PARN: variants seen among roughly 807,000 people sequenced by gnomAD.
The protein encoded by PARN is poly(A)-specific ribonuclease PARN.
In PARN, 71 loss-of-function variants were observed where a neutral mutation model predicts 102.8. That is an observed-to-expected ratio of 0.69 (90% CI 0.57 to 0.84). The LOEUF (loss-of-function observed/expected upper bound fraction) is 0.84. Among genes scored for constraint, PARN ranks in the 40% least tolerant of loss-of-function variants. PARN has a pLI of 0.00. For missense variants in PARN, 782 were observed against 760.9 expected, an observed-to-expected ratio of 1.03 and a Z score of -0.33; for synonymous variants, 261 against 252.9, an observed-to-expected ratio of 1.03 and a Z score of -0.30.
At chr16:14,577,004 TA>T (rs1420997985) in intron 18 of PARN, among the ~76,000 whole-genome samples, 2 of 152,248 alleles carry the variant, frequency 1.3e-5, no homozygotes, top group African/African-American at 2.4e-5. Flanking sequence ...TACTAAATGC[TA>T]ATTTAGAATA....
chr16:14,451,670 G>T (rs1039422540), intron 22 of PARN, among the ~76,000 whole-genome samples: 7 of 151,620 alleles, frequency 4.6e-5, no homozygotes, highest in Admixed American at 4.6e-4. Context: ...ATTTTCTGGG[G>T]TAACGTTAAT....
chr16:14,593,166 T>C (rs1260612446), intron 13 of PARN, 135 bp downstream of exon 13: 1 of 571,642 alleles, frequency 1.7e-6, no homozygotes, highest in East Asian at 3.0e-5. Context: ...GTGCATAAGA[T>C]TCTCTCTGGG....
chr16:14,452,649 C>CTTAAT (rs1234952499), intron 22 of PARN, among the ~76,000 whole-genome samples: 6 of 152,196 alleles, frequency 3.9e-5, no homozygotes, highest in African/African-American at 9.7e-5. Flanking sequence ...CAGCATATTT[C>CTTAAT]TTAATTGCTA....
intron 18 of PARN, among the ~76,000 whole-genome samples, chr16:14,563,179 T>A (rs1018147553): frequency 1.4e-4 from 21 of 152,218 alleles, no homozygotes; most frequent in South Asian, 4.1e-4. Flanking sequence ...AATCACAGAT[T>A]TGATTCACAA....
At chr16:14,478,819 TC>T (rs1299968951) in intron 22 of PARN, among the ~76,000 whole-genome samples, 1 of 152,162 alleles carries the variant, frequency 6.6e-6, no homozygotes, top group Non-Finnish European at 1.5e-5. Flanking sequence ...CTCGCTCTTG[TC>T]CCCCAGGCTG....
chr16:14,487,991 G>A (rs12448165), intron 21 of PARN, among the ~76,000 whole-genome samples: 214 of 152,260 alleles, frequency 1.4e-3, no homozygotes, highest in Middle Eastern at 0.01. Context: ...GAATGGGAAG[G>A]GGGACTTGCT....
intron 21 of PARN, among the ~76,000 whole-genome samples, chr16:14,515,853 T>C (rs561580791): frequency 1.5e-4 from 23 of 152,210 alleles, no homozygotes; most frequent in East Asian, 1.2e-3. Flanking sequence ...AGCAGGAGGA[T>C]TGCTTGAGGC....
chr16:14,512,646 G>A (rs1181437785), intron 21 of PARN, among the ~76,000 whole-genome samples: 1 of 152,138 alleles, frequency 6.6e-6, no homozygotes, highest in Non-Finnish European at 1.5e-5. Context: ...TACTCAGGAG[G>A]ACACCTGGGC....
At chr16:14,469,126 G>A (rs1313327310) in intron 22 of PARN, among the ~76,000 whole-genome samples, 4 of 151,586 alleles carry the variant, frequency 2.6e-5, no homozygotes, top group African/African-American at 9.7e-5. Context: ...GGTGAAACTC[G>A]GTCTCTACTA....
chr16:14,599,959 T>G lies in PARN; in HGVS notation c.785A>C (p.Glu262Ala). 6.4e-7 allele frequency: 1 copy of G among 1,571,368 alleles called. No individual in the cohort carries two copies. ...AAATCCCACAGCATCATTCAGCTCC[T>G]CCTAATTAAAAAAATATATACATAT... ...REQQKHAKEQEELNDAVGFSR... is the reference protein window; with the variant it reads ...REQQKHAKEQAELNDAVGFSR... Residue 262 changes from glutamate to alanine, a missense_variant and splice_region_variant, in exon 12 of 24, where the codon GAG becomes GCG. Physicochemically the swap from Glu to Ala is moderately radical, Grantham distance 107 (BLOSUM62 -1). Coordinates refer to ENST00000437198, the MANE Select transcript of PARN (RefSeq NM_002582.4).
intron 21 of PARN, among the ~76,000 whole-genome samples, chr16:14,527,046 C>T (rs1159383705): frequency 6.6e-6 from 1 of 152,210 alleles, no homozygotes; most frequent in African/African-American, 2.4e-5. Context: ...ATAAAGTCTC[C>T]ATTGTTAAAT....
intron 21 of PARN, among the ~76,000 whole-genome samples, chr16:14,506,644 G>T (rs1964908226): frequency 6.6e-6 from 1 of 152,232 alleles, no homozygotes; most frequent in African/African-American, 2.4e-5. Context: ...GAGGGAGACA[G>T]AGCAAATATG....
intron 21 of PARN, among the ~76,000 whole-genome samples, chr16:14,515,653 A>C (rs1965420913): frequency 1.3e-5 from 2 of 152,182 alleles, no homozygotes; most frequent in South Asian, 2.1e-4. Context: ...AAGAACATTA[A>C]GGCTAGGCAT....
intron 22 of PARN, among the ~76,000 whole-genome samples, chr16:14,476,887 C>G (rs1401597200): frequency 1.3e-5 from 2 of 152,006 alleles, no homozygotes; most frequent in Admixed American, 1.3e-4. Context: ...AAAATATCAG[C>G]AAATACTAAA....
intron 13 of PARN, among the ~76,000 whole-genome samples, chr16:14,591,709 C>T (rs1970204721): frequency 1.3e-5 from 2 of 152,068 alleles, no homozygotes; most frequent in Non-Finnish European, 2.9e-5. Context: ...ATTTGCTAAA[C>T]TCAAAGATGA....
chr16:14,462,239 C>A lies in PARN; in HGVS notation c.1671-15158G>T, dbSNP rs76454610. ...AAGGAATATTGTGAAGACAAGAATT[C>A]TTAGAAATTAAAATAGGAGTTGAAA... is the stretch of plus-strand genomic sequence containing the variant. On this transcript the variant is annotated intron_variant, in intron 22 of 23. Transcript: ENST00000437198. Among the ~76,000 whole-genome samples, 63 of 151,670 alleles carry A rather than the reference C, an allele frequency of 4.2e-4. 1 individual carries two copies. In the East Asian group the frequency reaches 0.012, roughly 29 times the overall value.
intron 22 of PARN, among the ~76,000 whole-genome samples, chr16:14,459,481 C>A (rs1445696028): frequency 6.6e-6 from 1 of 152,092 alleles, no homozygotes; most frequent in Admixed American, 6.5e-5. Flanking sequence ...AATTTGCATG[C>A]TGAAAACTAT....
intron 21 of PARN, among the ~76,000 whole-genome samples, chr16:14,509,210 C>T (rs1313952534): frequency 2.0e-5 from 3 of 152,072 alleles, no homozygotes; most frequent in Non-Finnish European, 4.4e-5. Flanking sequence ...AAAGTATAAA[C>T]CCCGTGTCAG....
At chr16:14,483,872 G>A (rs1009031769) in intron 21 of PARN, among the ~76,000 whole-genome samples, 6 of 152,102 alleles carry the variant, frequency 3.9e-5, no homozygotes, top group African/African-American at 1.4e-4. Flanking sequence ...AGTTTTGGGG[G>A]AACAGGTGGT....
Sources: allele counts gnomAD v4.1 joint callset (sites outside exome capture counted in the v4.1 genomes callset), GRCh38; gene constraint gnomAD v4.1.1; transcripts MANE v1.5; gene names NCBI Gene and HGNC (gene_info 2026-07-23, HGNC 2026-07-21).